Variants in ZMYND8 observed in about 807,000 individuals in gnomAD.
ZMYND8 encodes MYND-type zinc finger-containing chromatin reader ZMYND8.
A neutral mutation model predicts 140.8 loss-of-function variants in ZMYND8; 37 were observed. That is an observed-to-expected ratio of 0.26 (90% CI 0.20 to 0.35). The LOEUF (loss-of-function observed/expected upper bound fraction) is 0.35. Among genes scored for constraint, ZMYND8 ranks in the 10% least tolerant of loss-of-function variants. ZMYND8 has a pLI of 1.00. For synonymous variants in ZMYND8, 592 were observed against 597.1 expected (o/e 0.99, Z 0.12); for missense variants, 1,068 against 1,570.0 (o/e 0.68, Z 5.40).
intron 2 of ZMYND8, among the ~76,000 whole-genome samples, chr20:47,314,127 G>A (rs1028887415): frequency 1.3e-5 from 2 of 152,114 alleles, no homozygotes; most frequent in Non-Finnish European, 2.9e-5. Flanking sequence ...TCCAGGGAAG[G>A]GGAGTCCAGG....
intron 10 of ZMYND8, among the ~76,000 whole-genome samples, chr20:47,279,514 C>G (rs531496163): frequency 3.3e-5 from 5 of 150,906 alleles, no homozygotes; most frequent in Admixed American, 2.6e-4. Context: ...AATAATAAAA[C>G]AAGCCCAGGA....
intron 16 of ZMYND8, among the ~76,000 whole-genome samples, chr20:47,232,906 G>GTTTTTTTTT (rs758568932): frequency 3.2e-5 from 4 of 123,412 alleles, no homozygotes; most frequent in Non-Finnish European, 4.9e-5. Context: ...TGTTTTTTTT[G>GTTTTTTTTT]TTTTTTTTTT....
rs564919241 is a variant in ZMYND8 at position 47,322,768 on chromosome 20, T to C, written c.86-12564A>G. ...GCTCAGAGAGGCAAAGTCATTTATA[T>C]GCTTCAAGACAAGCAGATCGACACA... is the stretch of plus-strand genomic sequence containing the variant. On this transcript the variant is annotated intron_variant, in intron 2 of 22. Transcript: ENST00000471951. 7.2e-5 allele frequency among the ~76,000 whole-genome samples: 11 copies of C among 152,280 alleles called. No homozygotes were observed. The South Asian group carries it at 2.3e-3, about 32-fold the overall frequency.
intron 2 of ZMYND8, among the ~76,000 whole-genome samples, chr20:47,318,215 T>C (rs921947423): frequency 6.6e-6 from 1 of 152,134 alleles, no homozygotes; most frequent in Non-Finnish European, 1.5e-5. Flanking sequence ...AGACTGAAAA[T>C]GCCAGGTTTC....
intron 2 of ZMYND8, among the ~76,000 whole-genome samples, chr20:47,323,268 G>A (rs2148375264): frequency 6.6e-6 from 1 of 152,048 alleles, no homozygotes; most frequent in African/African-American, 2.4e-5. Context: ...GGGGAGACAG[G>A]GACTCACTCT....
At chr20:47,266,052 T>C (rs921440230) in intron 11 of ZMYND8, among the ~76,000 whole-genome samples, 5 of 152,026 alleles carry the variant, frequency 3.3e-5, no homozygotes, top group Non-Finnish European at 5.9e-5. Context: ...GAAAAGGACA[T>C]ACATGAGAGT....
At chr20:47,241,810 TTTTC>T (rs2039999946) in intron 14 of ZMYND8, among the ~76,000 whole-genome samples, 1 of 150,652 alleles carries the variant, frequency 6.6e-6, no homozygotes, top group South Asian at 2.1e-4. Context: ...GTCTGCCTCT[TTTTC>T]TTTTCTTTTT....
At chr20:47,290,783 G>C (rs1449868922) in intron 6 of ZMYND8, among the ~76,000 whole-genome samples, 4 of 151,564 alleles carry the variant, frequency 2.6e-5, no homozygotes, top group Non-Finnish European at 5.9e-5. Flanking sequence ...TAGAGACGGG[G>C]TTTCTCCATG....
chr20:47,307,986 C>T (rs377115283), intron 3 of ZMYND8, among the ~76,000 whole-genome samples: 34 of 150,814 alleles, frequency 2.3e-4, no homozygotes, highest in African/African-American at 6.6e-4. Flanking sequence ...GGCACAGCGG[C>T]GGGCGCCTGT....
chr20:47,286,643 T>C (rs78710415), intron 8 of ZMYND8, among the ~76,000 whole-genome samples: 9 of 152,212 alleles, frequency 5.9e-5, no homozygotes, highest in Admixed American at 5.9e-4. Context: ...TTCCATCTCA[T>C]TTTTTTATTC....
chr20:47,238,722 C>T (rs1163143923), intron 15 of ZMYND8, 36 bp downstream of exon 15: 1 of 1,579,992 alleles, frequency 6.3e-7, no homozygotes, highest in Non-Finnish European at 8.6e-7. Context: ...AAAATGGGAG[C>T]GGGCGCCACG....
intron 2 of ZMYND8, among the ~76,000 whole-genome samples, chr20:47,340,751 C>T (rs1208116115): frequency 6.6e-6 from 1 of 151,678 alleles, no homozygotes; most frequent in African/African-American, 2.4e-5. Flanking sequence ...CAAGCCACTG[C>T]ACTCCAGCCT....
chr20:47,213,605 A>C (rs2035609475), intron 21 of ZMYND8, among the ~76,000 whole-genome samples: 1 of 152,228 alleles, frequency 6.6e-6, no homozygotes, highest in East Asian at 1.9e-4. Flanking sequence ...ACAGGTGGGA[A>C]GCCTGGCTAT....
At chr20:47,240,834 G>A (rs1248350287) in intron 14 of ZMYND8, among the ~76,000 whole-genome samples, 2 of 151,698 alleles carry the variant, frequency 1.3e-5, no homozygotes, top group African/African-American at 2.4e-5. Flanking sequence ...AATTACAGGC[G>A]TGAGCCAACG....
intron 11 of ZMYND8, among the ~76,000 whole-genome samples, chr20:47,268,974 G>T (rs1016607484): frequency 1.2e-4 from 19 of 152,172 alleles, no homozygotes; most frequent in African/African-American, 4.6e-4. Context: ...GCCAAGGCAG[G>T]CAGATCATCT....
chr20:47,276,750 A>G lies in ZMYND8; in HGVS notation c.1044T>C (p.Ile348=). ...TCTTAGTCTTTTTCACAGAAAAAGG[A>G]ATTTCTTTAGACATGAGGTAGCAAT... ...INNCYLMSKE[I]PFSVKKTKSI... The change falls in exon 11 of 23, where the codon ATT becomes ATC. Residue 348 remains isoleucine (I), a synonymous_variant. Coordinates refer to ENST00000471951, the MANE Select transcript of ZMYND8 (RefSeq NM_001281775.3). 1 of 1,613,844 alleles carries G rather than the reference A, an allele frequency of 6.2e-7. No homozygotes were observed. The highest frequency in any genetic ancestry group is 1.3e-5 in the African/African-American group (1 of 74,986).
rs138435827 is a variant in ZMYND8 at position 47,339,302 on chromosome 20, G to A, written c.85+8554C>T. On this transcript the variant is annotated intron_variant, in intron 2 of 22. Transcript: ENST00000471951. ...TTCTTCACTGTGCCCCCTCTAAGCA[G>A]GGGGTCTTCCGGGCATGGTTTCCTC... Among the ~76,000 whole-genome samples, 10 of 152,092 alleles carry A rather than the reference G, an allele frequency of 6.6e-5. No homozygotes were observed. In the South Asian group the frequency reaches 2.1e-3, roughly 32 times the overall value.
chr20:47,265,846 G>A (rs994726705), intron 11 of ZMYND8, among the ~76,000 whole-genome samples: 4 of 152,182 alleles, frequency 2.6e-5, no homozygotes, highest in Non-Finnish European at 5.9e-5. Context: ...AAATAAACAA[G>A]TGTTGAGATT....
At chr20:47,315,267 G>C (rs974410598) in intron 2 of ZMYND8, among the ~76,000 whole-genome samples, 4 of 152,174 alleles carry the variant, frequency 2.6e-5, no homozygotes, top group African/African-American at 9.7e-5. Flanking sequence ...GCCCACACCT[G>C]AGAGTATTCC....
Sources: gnomAD v4.1 joint callset for allele counts (sites outside exome capture counted in the v4.1 genomes callset) on GRCh38, gnomAD v4.1.1 for gene constraint, MANE v1.5 for transcripts, NCBI Gene and HGNC (gene_info 2026-07-23, HGNC 2026-07-21) for gene names.